The following ILRUN variants were observed in gnomAD, a reference collection of about 807,000 sequenced individuals.
ILRUN encodes protein ILRUN.
A neutral mutation model predicts 33.8 loss-of-function variants in ILRUN; 3 were observed. That is an observed-to-expected ratio of 0.09 (90% CI 0.04 to 0.23). The LOEUF is 0.23. Among genes scored for constraint, ILRUN ranks in the 10% least tolerant of loss-of-function variants. The pLI is 1.00. For missense variants in ILRUN, 210 were observed against 375.1 expected (o/e 0.56, Z 3.64); for synonymous variants, 124 against 138.9 (o/e 0.89, Z 0.75).
At chr6:34,642,097 T>C (rs915525636) in intron 3 of ILRUN, among the ~76,000 whole-genome samples, 3 of 152,196 alleles carry the variant, frequency 2.0e-5, no homozygotes, top group African/African-American at 7.2e-5. Flanking sequence ...GAATCCACTA[T>C]GGAAGATCAT....
intron 4 of ILRUN, among the ~76,000 whole-genome samples, chr6:34,601,705 G>C (rs60005311): frequency 0.33 from 39,427 of 118,998 alleles, 5,212 homozygotes; most frequent in African/African-American, 0.5. Flanking sequence ...TCCAGTACCC[G>C]CCCCCCCAAC....
Position 34,617,809 on chromosome 6 carries a change from A to G in ILRUN, c.512-10905T>C, listed in dbSNP as rs894898876. Among the ~76,000 whole-genome samples, 8 of 152,194 alleles carry G rather than the reference A, an allele frequency of 5.3e-5. 1 individual carries two copies. The highest frequency in any genetic ancestry group is 4.1e-4 in the South Asian group (2 of 4,828). ...CCAGGAATTTCCTTTTAAAATGCAA[A>G]TGCCCCTCAAAAAACGTATTAAGCT... On this transcript the variant is annotated intron_variant, in intron 3 of 4. Coordinates refer to ENST00000374023, the MANE Select transcript of ILRUN (RefSeq NM_024294.4).
At chr6:34,603,898 C>T (rs978444077) in intron 4 of ILRUN, among the ~76,000 whole-genome samples, 1 of 152,106 alleles carries the variant, frequency 6.6e-6, no homozygotes, top group Non-Finnish European at 1.5e-5. Flanking sequence ...CTTCCTACAC[C>T]CTATTCTAAG....
rs542835645 is a variant in ILRUN at position 34,608,154 on chromosome 6, G to A, written c.512-1250C>T. The stretch of plus-strand genomic sequence containing the variant: ...CATGCCTGTAATCCCAACACTCTGG[G>A]AGGCTGAGGCAGGAAGATCACTTGA... On this transcript the variant is annotated intron_variant, in intron 3 of 4. Transcript: ENST00000374023. 4.6e-5 allele frequency among the ~76,000 whole-genome samples: 7 copies of A among 152,148 alleles called. No homozygotes were observed. In the South Asian group the frequency reaches 1.5e-3, roughly 32 times the overall value.
intron 3 of ILRUN, among the ~76,000 whole-genome samples, chr6:34,618,660 T>C (rs1039595913): frequency 3.3e-5 from 5 of 152,200 alleles, no homozygotes; most frequent in African/African-American, 9.6e-5. Flanking sequence ...TACAGGCTTG[T>C]TCCTGGTGAT....
rs969135769 is a variant in ILRUN, at chr6:34,683,443, T to C, written c.158+13003A>G. 2.7e-4 allele frequency among the ~76,000 whole-genome samples: 20 copies of C among 73,302 alleles called. 1 individual carries two copies. The highest frequency in any genetic ancestry group is 1.9e-3 in the South Asian group (5 of 2,570). The allele number at this position is 73,302 out of a possible 152,430, so 48.1% of individuals were successfully genotyped here. A position where few individuals can be genotyped will look rare whatever the true frequency, so the allele number is the denominator to read the frequency against. On this transcript the variant is annotated intron_variant, in intron 1 of 4. Transcript: ENST00000374023. ...ACATATATATACATATATATATACATATATATATACATATATATACATATA... is the reference window on the plus strand; with the variant it reads ...ACATATATATACATATATATATACACATATATATACATATATATACATATA...
chr6:34,631,107 G>T (rs968999437), intron 3 of ILRUN, among the ~76,000 whole-genome samples: 1 of 151,976 alleles, frequency 6.6e-6, no homozygotes, highest in African/African-American at 2.4e-5. Flanking sequence ...ATTCCAACAC[G>T]CCTGCCAAAA....
At chr6:34,634,365 G>A (rs931824018) in intron 3 of ILRUN, among the ~76,000 whole-genome samples, 3 of 152,022 alleles carry the variant, frequency 2.0e-5, no homozygotes, top group African/African-American at 7.2e-5. Context: ...AAAATTTATA[G>A]TACTAAACAC....
chr6:34,614,008 G>C (rs1482514532), intron 3 of ILRUN, among the ~76,000 whole-genome samples: 2 of 152,116 alleles, frequency 1.3e-5, no homozygotes, highest in African/African-American at 4.8e-5. Context: ...AAAGGATAAG[G>C]GCATGTCACA....
At chr6:34,691,078 C>CG (rs1270753229) in intron 1 of ILRUN, among the ~76,000 whole-genome samples, 1 of 151,900 alleles carries the variant, frequency 6.6e-6, no homozygotes, top group African/African-American at 2.4e-5. Context: ...TTAGTAGAGA[C>CG]GGGGTTCCAC....
At chr6:34,626,417 T>C (rs983651922) in intron 3 of ILRUN, among the ~76,000 whole-genome samples, 5 of 152,290 alleles carry the variant, frequency 3.3e-5, no homozygotes, top group African/African-American at 4.8e-5. Flanking sequence ...CCTCAAGCAG[T>C]CCTCCTGCCT....
chr6:34,696,613 C>G lies in ILRUN; in HGVS notation c.-10G>C, dbSNP rs781096166. The G allele has an allele frequency of 6.3e-7, 1 of 1,590,778 alleles. No homozygotes were observed. Among genetic ancestry groups the G allele is most frequent in the Non-Finnish European group, 8.5e-7 (1 of 1,171,402 alleles). On this transcript the variant is annotated 5_prime_UTR_variant, in exon 1 of 5. Coordinates refer to ENST00000374023, the MANE Select transcript of ILRUN (RefSeq NM_024294.4). ...CGTCCATGCCCTCCATGGCGGGGAC[C>G]GGACACCCGCTTCCCCGCCTCTTCA...
chr6:34,642,668 A>G (rs1762495230), intron 3 of ILRUN, among the ~76,000 whole-genome samples: 1 of 151,934 alleles, frequency 6.6e-6, no homozygotes, highest in African/African-American at 2.4e-5. Context: ...TTGCTTGTCA[A>G]CTTTCTAGAG....
chr6:34,636,436 C>T (rs2127352477), intron 3 of ILRUN, among the ~76,000 whole-genome samples: 1 of 151,770 alleles, frequency 6.6e-6, no homozygotes, highest in East Asian at 1.9e-4. Context: ...AATTACAGAA[C>T]TAATTTCTAA....
intron 3 of ILRUN, among the ~76,000 whole-genome samples, chr6:34,620,241 T>C (rs1761985585): frequency 6.6e-6 from 1 of 151,956 alleles, no homozygotes; most frequent in South Asian, 2.1e-4. Flanking sequence ...ATTCAAAAAA[T>C]AAAATTAGGT....
intron 4 of ILRUN, chr6:34,595,847 T>C: frequency 1.0e-6 from 1 of 985,452 alleles, no homozygotes; most frequent in Non-Finnish European, 1.2e-6. Flanking sequence ...ACTGATGGCA[T>C]TATCGGATAA....
rs1053122674 is a variant in ILRUN, at chr6:34,668,161, T to C, written c.159-13382A>G. 3.3e-5 allele frequency among the ~76,000 whole-genome samples: 5 copies of C among 152,312 alleles called. No individual in the cohort carries two copies. In the Middle Eastern group the frequency reaches 0.014, roughly 414 times the overall value. On this transcript the variant is annotated intron_variant, in intron 1 of 4. Coordinates refer to ENST00000374023, the MANE Select transcript of ILRUN (RefSeq NM_024294.4). Reference sequence around the variant, plus strand: ...AAAGCTTGAGAGAACTCTCATACAATGCTGCTAAGAATGTAGAATGGTAAT... The same window carrying C: ...AAAGCTTGAGAGAACTCTCATACAACGCTGCTAAGAATGTAGAATGGTAAT...
chr6:34,683,473 C>CATATATATATACATATATATATATAT (rs1174245644), intron 1 of ILRUN, among the ~76,000 whole-genome samples: 3 of 97,844 alleles, frequency 3.1e-5, no homozygotes, highest in Non-Finnish European at 5.6e-5. Context: ...CATATATATA[C>CATATATATATACATATATATATATAT]ACATATATAT....
At chr6:34,696,347 C>G in intron 1 of ILRUN, 99 bp downstream of exon 1, 1 of 1,328,542 alleles carries the variant, frequency 7.5e-7, no homozygotes, top group Non-Finnish European at 1.0e-6. Context: ...GCCCTCAGTA[C>G]CCGCCTGGCT....
Sources: allele counts gnomAD v4.1 joint callset (sites outside exome capture counted in the v4.1 genomes callset), GRCh38; gene constraint gnomAD v4.1.1; transcripts MANE v1.5; gene names NCBI Gene and HGNC (gene_info 2026-07-23, HGNC 2026-07-21).